Variants in DMD observed in about 807,000 individuals in gnomAD.
The protein encoded by DMD is dystrophin, also known as mutant dystrophin.
In DMD, 63 loss-of-function variants were observed where a neutral mutation model predicts 330.1. The ratio of observed to expected loss-of-function variants is 0.19; its 90% CI spans 0.16 to 0.24. The LOEUF (loss-of-function observed/expected upper bound fraction) is 0.24. Among genes scored for constraint, DMD ranks in the 10% least tolerant of loss-of-function variants. DMD has a pLI of 1.00. For synonymous variants in DMD, 1,223 were observed against 959.8 expected (o/e 1.27, Z -5.07); for missense variants, 3,344 against 2,684.1 (o/e 1.25, Z -5.43).
intron 7 of DMD, among the ~76,000 whole-genome samples, chrX:32,805,547 C>T (rs2076890284): frequency 2.7e-5 from 3 of 111,789 alleles, no homozygotes; most frequent in African/African-American, 9.8e-5. Context: ...CCCAAACTAG[C>T]AAGACAGCCC....
At chrX:31,411,252 G>A (rs2061633561) in intron 60 of DMD, among the ~76,000 whole-genome samples, 1 of 111,227 alleles carries the variant, frequency 9.0e-6, no homozygotes, top group Non-Finnish European at 1.9e-5. Context: ...TAGCAATAAA[G>A]GTCCCAGGCA....
chrX:32,400,498 T>C (rs1382200248), intron 30 of DMD, among the ~76,000 whole-genome samples: 1 of 108,252 alleles, frequency 9.2e-6, no homozygotes, highest in Non-Finnish European at 1.9e-5. Flanking sequence ...GGATTCCCTC[T>C]TTTTCTATGG....
intron 44 of DMD, among the ~76,000 whole-genome samples, chrX:32,130,790 T>A (rs776019909): frequency 3.6e-5 from 4 of 112,459 alleles, no homozygotes; most frequent in African/African-American, 6.5e-5. Context: ...AGTCCTTCTC[T>A]GGCTTCTCTG....
At chrX:32,149,240 G>A (rs947434961) in intron 44 of DMD, among the ~76,000 whole-genome samples, 2 of 111,179 alleles carry the variant, frequency 1.8e-5, no homozygotes, top group African/African-American at 6.5e-5. Flanking sequence ...GTGGGGCACC[G>A]GTTAATTAAC....
At chrX:31,798,626 G>A (rs1482187713) in intron 50 of DMD, among the ~76,000 whole-genome samples, 1 of 111,333 alleles carries the variant, frequency 9.0e-6, no homozygotes, top group African/African-American at 3.3e-5. Flanking sequence ...AGACACTCTG[G>A]GAGTCTACTT....
intron 2 of DMD, among the ~76,000 whole-genome samples, chrX:32,953,290 G>A (rs1569545384): frequency 1.8e-5 from 2 of 111,103 alleles, no homozygotes; most frequent in Non-Finnish European, 3.8e-5. Context: ...ATGAGCACTG[G>A]AAGAGATATA....
chrX:32,855,731 T>C (rs192792110), intron 2 of DMD, among the ~76,000 whole-genome samples: 2 of 112,037 alleles, frequency 1.8e-5, no homozygotes, highest in East Asian at 5.6e-4. Flanking sequence ...ATCATTGGGA[T>C]AAAATCTCCA....
Position 31,907,934 on chromosome X carries a change from C to G in DMD, c.6912+21662G>C, listed in dbSNP as rs888756626. ...GGAACAGACACTTCTCAAAAGAAGA[C>G]ATTTATGCAGCTAACAGACACATGA... On this transcript the variant is annotated intron_variant, in intron 47 of 78. Transcript: ENST00000357033. 3.6e-5 allele frequency among the ~76,000 whole-genome samples: 4 copies of G among 112,605 alleles called. No individual in the cohort carries two copies. The Admixed American group carries it at 3.7e-4, about 11-fold the overall frequency.
chrX:32,071,263 T>C (rs2147793663), intron 44 of DMD, among the ~76,000 whole-genome samples: 1 of 110,203 alleles, frequency 9.1e-6, no homozygotes, highest in Non-Finnish European at 1.9e-5. Context: ...ATGGTTGAAC[T>C]AGTTTACAGT....
At chrX:32,686,269 T>C (rs1412490639) in intron 9 of DMD, among the ~76,000 whole-genome samples, 1 of 111,514 alleles carries the variant, frequency 9.0e-6, no homozygotes, top group Non-Finnish European at 1.9e-5. Flanking sequence ...AAGGAATATA[T>C]CTGTATGGCC....
At chrX:31,939,872 T>C (rs2094971292) in intron 45 of DMD, among the ~76,000 whole-genome samples, 1 of 111,902 alleles carries the variant, frequency 8.9e-6, no homozygotes, top group Non-Finnish European at 1.9e-5. Context: ...ACTGACAAAC[T>C]ACCTTGACAA....
chrX:31,536,678 C>CA (rs2073431774), intron 55 of DMD, among the ~76,000 whole-genome samples: 1 of 111,594 alleles, frequency 9.0e-6, no homozygotes, highest in Admixed American at 9.6e-5. Flanking sequence ...AACCTTTCAC[C>CA]AAACTTACAA....
chrX:32,735,224 C>A (rs1569499178), intron 7 of DMD, among the ~76,000 whole-genome samples: 1 of 108,890 alleles, frequency 9.2e-6, no homozygotes. Context: ...TGAAGGACCT[C>A]TTCGAGGAGA....
chrX:33,118,047 T>C (rs6631741), intron 1 of DMD, among the ~76,000 whole-genome samples: 35,680 of 108,870 alleles, frequency 0.33, 4,860 homozygotes, highest in East Asian at 0.87. Context: ...CCAGAAGCTA[T>C]CTAATTTACA....
chrX:31,284,350 T>C (rs1441453021), intron 62 of DMD, among the ~76,000 whole-genome samples: 1 of 111,351 alleles, frequency 9.0e-6, no homozygotes, highest in Non-Finnish European at 1.9e-5. Flanking sequence ...AAGTACTAGA[T>C]GAAGACAAAG....
At chrX:32,050,039 T>C (rs780278976) in intron 44 of DMD, among the ~76,000 whole-genome samples, 6 of 111,834 alleles carry the variant, frequency 5.4e-5, no homozygotes, top group Admixed American at 3.8e-4. Flanking sequence ...ATTCTGACAG[T>C]TTTTTAATAA....
rs1375419099 is a variant in DMD, at chrX:31,444,462, A to C, written c.9084+19T>G. ...TATTTTACTGTAACAAAGGACAACA[A>C]TGTTTACAATGTGCTTACCTGCAGA... is the stretch of plus-strand genomic sequence containing the variant. On this transcript the variant is annotated intron_variant, in intron 60 of 78. Transcript: ENST00000357033. 2.5e-5 allele frequency: 30 copies of C among 1,208,779 alleles called. No individual in the cohort carries two copies. The highest frequency in any genetic ancestry group is 3.4e-5 in the Non-Finnish European group (30 of 892,976).
At chrX:31,394,400 A>C in intron 60 of DMD, among the ~76,000 whole-genome samples, 1 of 112,911 alleles carries the variant, frequency 8.9e-6, no homozygotes, top group South Asian at 3.6e-4. Flanking sequence ...TATTTATCAA[A>C]TAATCACTTC....
rs765229074 is a variant in DMD, at chrX:33,115,232, G to A, written c.32-95032C>T. Among the ~76,000 whole-genome samples the A allele has an allele frequency of 2.7e-5, 3 of 111,838 alleles. No individual in the cohort carries two copies. In the East Asian group the frequency reaches 8.5e-4, roughly 32 times the overall value. On this transcript the variant is annotated intron_variant, in intron 1 of 78. Transcript: ENST00000357033. The stretch of plus-strand genomic sequence containing the variant: ...ACAAACTCTATAGTGATAACAGCTG[G>A]TCCTTTACTTTCTTCAGGGATATAC...
Sources: allele counts gnomAD v4.1 joint callset (sites outside exome capture counted in the v4.1 genomes callset), GRCh38; gene constraint gnomAD v4.1.1; transcripts MANE v1.5; gene names NCBI Gene and HGNC (gene_info 2026-07-23, HGNC 2026-07-21).